Variants in CCN6 observed in about 807,000 individuals in gnomAD.
CCN6 encodes the protein CCN family member 6.
CCN6 carries 31 observed loss-of-function variants against 37.4 expected under a neutral mutation model. The ratio of observed to expected loss-of-function variants is 0.83; its 90% CI spans 0.62 to 1.12. The LOEUF is 1.12. CCN6 is among the 50% of genes most tolerant of loss of function. The pLI is 0.00. For synonymous variants in CCN6, 137 were observed against 142.1 expected, an observed-to-expected ratio of 0.96 and a Z score of 0.26; for missense variants, 369 against 413.8, an observed-to-expected ratio of 0.89 and a Z score of 0.94.
chr6:112,065,219 A>AT (rs1301733899), intron 3 of CCN6, among the ~76,000 whole-genome samples: 1 of 152,180 alleles, frequency 6.6e-6, no homozygotes, highest in African/African-American at 2.4e-5. Context: ...ATTTAAAAAC[A>AT]TTTTTAAAAG....
chr6:112,065,507 G>A (rs1255415730), intron 3 of CCN6, among the ~76,000 whole-genome samples: 4 of 151,794 alleles, frequency 2.6e-5, no homozygotes, highest in Admixed American at 6.6e-5. Context: ...TAGAAATCTC[G>A]TAGGAAGTCC....
intron 3 of CCN6, chr6:112,066,911 G>A (rs1452367519): frequency 1.5e-6 from 2 of 1,295,488 alleles, no homozygotes; most frequent in Non-Finnish European, 2.1e-6. Context: ...ACAGCTGTCG[G>A]TTTAACAAGT....
intron 3 of CCN6, among the ~76,000 whole-genome samples, chr6:112,067,193 T>G (rs1776724432): frequency 6.6e-6 from 1 of 152,060 alleles, no homozygotes; most frequent in African/African-American, 2.4e-5. Context: ...TTCTGGGTGT[T>G]TTTCGAGTTT....
chr6:112,069,333 T>G lies in CCN6; in HGVS notation c.784-6T>G, dbSNP rs1776804945. The G allele has an allele frequency of 5.6e-6, 9 of 1,612,524 alleles. No individual in the cohort carries two copies. The highest frequency in any genetic ancestry group is 6.8e-6 in the Non-Finnish European group (8 of 1,179,682). ...AAGAATGACTTCATTTTATCTATCT[T>G]TTCAGATTCCCAAAGGAAAAACATG... On this transcript the variant is annotated splice_region_variant and splice_polypyrimidine_tract_variant and intron_variant, in intron 4 of 4. Coordinates refer to ENST00000368666, the MANE Select transcript of CCN6 (RefSeq NM_198239.2).
intron 4 of CCN6, among the ~76,000 whole-genome samples, chr6:112,068,849 CAGTA>C (rs1353857343): frequency 6.6e-6 from 1 of 150,814 alleles, no homozygotes; most frequent in Non-Finnish European, 1.5e-5. Context: ...TTGAATGAGG[CAGTA>C]AGTCTGTCTC....
intron 1 of CCN6, among the ~76,000 whole-genome samples, chr6:112,055,869 T>C (rs1776333955): frequency 6.6e-6 from 1 of 152,112 alleles, no homozygotes; most frequent in Non-Finnish European, 1.5e-5. Flanking sequence ...GGATTACAGG[T>C]GTGAGCCACC....
chr6:112,068,337 G>C lies in CCN6; in HGVS notation c.722G>C (p.Arg241Thr). 2 of 1,613,160 alleles carry C rather than the reference G, an allele frequency of 1.2e-6. No homozygotes were observed. The highest frequency in any genetic ancestry group is 2.2e-5 in the South Asian group (2 of 90,980). Residue 241 changes from arginine to threonine, a missense_variant, in exon 4 of 5, where the codon AGA (arginine) becomes ACA (threonine). Physicochemically the swap from Arg to Thr is moderately conservative, Grantham distance 71. Coordinates refer to ENST00000368666, the MANE Select transcript of CCN6 (RefSeq NM_198239.2). ...VTNENSNCEM[R>T]KEKRLCYIQP... is the part of the protein sequence containing the mutation. Reference sequence around the variant, plus strand: ...AATGAAAACAGCAACTGTGAAATGAGAAAAGAGAAAAGACTGTGTTACATT... The same window carrying C: ...AATGAAAACAGCAACTGTGAAATGACAAAAGAGAAAAGACTGTGTTACATT...
At chr6:112,053,473 CTTT>C (rs1308722373), upstream of CCN6, among the ~76,000 whole-genome samples, 1 of 139,858 alleles carries the variant, frequency 7.2e-6, no homozygotes. Flanking sequence ...ATTTTTGTGT[CTTT>C]TTTTTTTTTT....
intron 2 of CCN6, among the ~76,000 whole-genome samples, chr6:112,063,491 T>A (rs1435634779): frequency 1.3e-5 from 2 of 152,202 alleles, no homozygotes. Context: ...TGTAGAGATG[T>A]TCAAAATATT....
At chr6:112,062,308 G>A (rs587671523) in intron 2 of CCN6, among the ~76,000 whole-genome samples, 1 of 152,242 alleles carries the variant, frequency 6.6e-6, no homozygotes, top group African/African-American at 2.4e-5. Context: ...GTTATTTATT[G>A]GAATCCTATA....
At chr6:112,059,601 T>A (rs888833143) in intron 1 of CCN6, among the ~76,000 whole-genome samples, 7 of 152,190 alleles carry the variant, frequency 4.6e-5, no homozygotes, top group African/African-American at 1.7e-4. Flanking sequence ...ACCTCAAGAT[T>A]CTTAAGTTGA....
At chr6:112,058,519 G>C (rs78110079) in intron 1 of CCN6, among the ~76,000 whole-genome samples, 1 of 152,178 alleles carries the variant, frequency 6.6e-6, no homozygotes, top group Non-Finnish European at 1.5e-5. Context: ...ACGGCTAGTG[G>C]AAGAGATAGG....
In CCN6 at chr6:112,063,010, G is replaced by A. The variant is rs141539559; in HGVS notation, c.346+1722G>A. Among the ~76,000 whole-genome samples, 732 of 152,118 alleles carry A rather than the reference G, an allele frequency of 4.8e-3. 6 individuals are homozygous for A. Among genetic ancestry groups the A allele is most frequent in the Non-Finnish European group, 5.7e-3 (387 of 67,984 alleles). ...CCCATTGCAGATTAATAAGAATAACGTTTTTATGAAAAAACATGTAACTTA... is the reference window on the plus strand; with the variant it reads ...CCCATTGCAGATTAATAAGAATAACATTTTTATGAAAAAACATGTAACTTA... On this transcript the variant is annotated intron_variant, in intron 2 of 4. Coordinates refer to ENST00000368666, the MANE Select transcript of CCN6 (RefSeq NM_198239.2).
At chr6:112,055,579 CTTTATTTATTTA>C (rs375824740) in intron 1 of CCN6, among the ~76,000 whole-genome samples, 1 of 151,288 alleles carries the variant, frequency 6.6e-6, no homozygotes, top group African/African-American at 2.5e-5. Context: ...GTGCTGGGTG[CTTTATTTATTTA>C]TTTATTTATT....
chr6:112,053,316 G>A (rs1776257789), upstream of CCN6, among the ~76,000 whole-genome samples: 1 of 146,932 alleles, frequency 6.8e-6, no homozygotes. Context: ...TTTTTTTTGA[G>A]AATAATTCTC....
rs150284085 is a variant in CCN6 at position 112,069,090 on chromosome 6, G to A, written c.784-249G>A. Among the ~76,000 whole-genome samples, 5 of 152,164 alleles carry A rather than the reference G, an allele frequency of 3.3e-5. No individual in the cohort carries two copies. The East Asian group carries it at 7.7e-4, about 24-fold the overall frequency. Reference sequence around the variant, plus strand: ...AACAAAACAGAAATTTCTATTTATTGTAAAATTGAGTCAAGAATAGATAGC... The same window carrying A: ...AACAAAACAGAAATTTCTATTTATTATAAAATTGAGTCAAGAATAGATAGC... On this transcript the variant is annotated intron_variant, in intron 4 of 4. Coordinates refer to ENST00000368666, the MANE Select transcript of CCN6 (RefSeq NM_198239.2).
At chr6:112,055,841 C>T (rs4947164) in intron 1 of CCN6, among the ~76,000 whole-genome samples, 33,162 of 152,136 alleles carry the variant, frequency 0.22, 3,932 homozygotes, top group Middle Eastern at 0.28. Context: ...CCGCCCACCT[C>T]GGCCTCCCAA....
At position 112,069,349 on chromosome 6, in the gene CCN6, G is replaced by A. The variant is rs1438976078; in HGVS notation, c.794G>A (p.Gly265Glu). Residue 265 changes from glycine (G) to glutamate (E), a missense_variant, in exon 5 of 5, where the codon GGA (glycine) becomes GAA (glutamate). Physicochemically the swap from Gly to Glu is moderately conservative, Grantham distance 98 (BLOSUM62 -2). Transcript: ENST00000368666. Reference protein sequence around the residue: ...NILKTIKIPKGKTCQPTFQLS... With the variant: ...NILKTIKIPKEKTCQPTFQLS... ...TATCTATCTTTTCAGATTCCCAAAG[G>A]AAAAACATGCCAACCTACTTTCCAA... is the stretch of plus-strand genomic sequence containing the variant. 2.2e-5 allele frequency: 36 copies of A among 1,612,966 alleles called. No individual in the cohort carries two copies. Among genetic ancestry groups the A allele is most frequent in the Non-Finnish European group, 3.1e-5 (36 of 1,179,726 alleles).
Position 112,068,374 on chromosome 6 carries a change from C to G in CCN6, c.759C>G (p.Asp253Glu), listed in dbSNP as rs1776763377. ...GACTGTGTTACATTCAGCCTTGCGA[C>G]AGCAATATATTAAAGACAATAAAGG... Reference protein sequence around the residue: ...EKRLCYIQPCDSNILKTIKIP... With the variant: ...EKRLCYIQPCESNILKTIKIP... Residue 253 changes from aspartate (D) to glutamate (E), a missense_variant, in exon 4 of 5, where the codon GAC becomes GAG. Physicochemically the swap from Asp to Glu is conservative, Grantham distance 45. Coordinates refer to ENST00000368666, the MANE Select transcript of CCN6 (RefSeq NM_198239.2). 1 of 1,612,356 alleles carries G rather than the reference C, an allele frequency of 6.2e-7. No homozygotes were observed. Among genetic ancestry groups the G allele is most frequent in the Non-Finnish European group, 8.5e-7 (1 of 1,179,218 alleles).
Sources: allele counts gnomAD v4.1 joint callset (sites outside exome capture counted in the v4.1 genomes callset), GRCh38; gene constraint gnomAD v4.1.1; transcripts MANE v1.5; gene names NCBI Gene and HGNC (gene_info 2026-07-23, HGNC 2026-07-21).